DHX36: variants seen among roughly 807,000 people sequenced by gnomAD.
The protein encoded by DHX36 is ATP-dependent DNA/RNA helicase DHX36.
Under a neutral mutation model 139.0 loss-of-function variants are expected in DHX36, and 50 were observed. The observed-to-expected ratio is 0.36, with a 90% CI of 0.29 to 0.46. The LOEUF (loss-of-function observed/expected upper bound fraction) is 0.46, where lower values mean the gene tolerates loss of function less well. Among genes scored for constraint, DHX36 ranks in the 20% least tolerant of loss-of-function variants. DHX36 has a pLI of 1.00. For missense variants in DHX36, 1,024 were observed against 1,211.3 expected (o/e 0.85, Z 2.29); for synonymous variants, 425 against 401.9 (o/e 1.06, Z -0.69).
intron 1 of DHX36, among the ~76,000 whole-genome samples, chr3:154,323,043 T>G (rs949867276): frequency 5.3e-5 from 8 of 152,152 alleles, no homozygotes; most frequent in African/African-American, 1.9e-4. Context: ...GGTTTAAAAA[T>G]AGTAGTCTAG....
In DHX36 at chr3:154,273,527, A is replaced by C. The variant is rs1191043027; in HGVS notation, c.*2644T>G. ...ATAAAAGTAAGGGAAAAAAAAGCAC[A>C]AACAGAAACTCTTACAGAGCAAGAA... On this transcript the variant is annotated 3_prime_UTR_variant, in exon 25 of 25. Transcript: ENST00000496811. 1 of 152,238 alleles carries C rather than the reference A, an allele frequency of 6.6e-6. No individual in the cohort carries two copies. Among genetic ancestry groups the C allele is most frequent in the Non-Finnish European group, 1.5e-5 (1 of 68,036 alleles). 9.4% of individuals were successfully genotyped at this position (152,238 alleles called of 1,614,324 possible). A position where few individuals can be genotyped will look rare whatever the true frequency, so the allele number is the denominator to read the frequency against.
At chr3:154,323,540 C>T (rs1032819952) in intron 1 of DHX36, among the ~76,000 whole-genome samples, 17 of 152,168 alleles carry the variant, frequency 1.1e-4, no homozygotes, top group African/African-American at 3.9e-4. Context: ...ATCAACCTGA[C>T]AATCACCTGA....
intron 9 of DHX36, among the ~76,000 whole-genome samples, chr3:154,301,683 G>C (rs565342392): frequency 1.3e-5 from 2 of 152,268 alleles, no homozygotes; most frequent in South Asian, 4.1e-4. Context: ...GGCAGATCCA[G>C]AATCAGTATT....
intron 14 of DHX36, 28 bp from the exon 15 acceptor site, chr3:154,292,722 T>C: frequency 6.4e-7 from 1 of 1,571,636 alleles, no homozygotes; most frequent in South Asian, 1.1e-5. Flanking sequence ...ATATAAAATG[T>C]TAAAACACAC....
At chr3:154,322,295 A>G (rs1248578220) in intron 1 of DHX36, among the ~76,000 whole-genome samples, 1 of 152,226 alleles carries the variant, frequency 6.6e-6, no homozygotes, top group Non-Finnish European at 1.5e-5. Context: ...CTGAGACAGA[A>G]GTGACATGAC....
At chr3:154,311,763 G>T (rs1409653964) in intron 3 of DHX36, 89 bp from the exon 4 acceptor site, 3 of 986,254 alleles carry the variant, frequency 3.0e-6, no homozygotes, top group Non-Finnish European at 3.0e-6. Context: ...AGGGTAAATT[G>T]GCTAGAATCC....
In DHX36 at chr3:154,275,956, C is replaced by A; in HGVS notation, c.*215G>T. On this transcript the variant is annotated 3_prime_UTR_variant, in exon 25 of 25. Coordinates refer to ENST00000496811, the MANE Select transcript of DHX36 (RefSeq NM_020865.3). ...GCATGACCACAGCAGAGTATATGAT[C>A]AGAGAACATATTGCTTTTATGGTAT... 3.1e-6 allele frequency: 1 copy of A among 319,638 alleles called. No individual in the cohort carries two copies. The highest frequency in any genetic ancestry group is 1.4e-4 in the South Asian group (1 of 7,392). 19.8% of individuals were successfully genotyped at this position (319,638 alleles called of 1,614,324 possible). A position where few individuals can be genotyped will look rare whatever the true frequency, so the allele number is the denominator to read the frequency against.
intron 3 of DHX36, among the ~76,000 whole-genome samples, chr3:154,312,894 T>C (rs1272888215): frequency 1.6e-4 from 12 of 76,072 alleles, no homozygotes; most frequent in Non-Finnish European, 2.6e-4. Context: ...TATATATATA[T>C]ATATATAAAA....
Position 154,324,157 on chromosome 3 carries a change from A to G in DHX36, c.243+17T>C, listed in dbSNP as rs764761424. 1 of 1,604,196 alleles carries G rather than the reference A, an allele frequency of 6.2e-7. No homozygotes were observed. The highest frequency in any genetic ancestry group is 1.1e-5 in the South Asian group (1 of 89,638). On this transcript the variant is annotated intron_variant, in intron 1 of 24. Transcript: ENST00000496811. The stretch of plus-strand genomic sequence containing the variant: ...CCTGTGCTGCCTCATCCTCTCCACT[A>G]CTGAATCCGAGATTACCTCTTGCCT...
At chr3:154,284,162 CTATGA>C (rs1719426751) in intron 19 of DHX36, among the ~76,000 whole-genome samples, 1 of 152,002 alleles carries the variant, frequency 6.6e-6, no homozygotes, top group South Asian at 2.1e-4. Context: ...CTCCTGATAC[CTATGA>C]TAATATAGAT....
intron 1 of DHX36, among the ~76,000 whole-genome samples, chr3:154,320,078 T>C (rs1355319631): frequency 1.3e-5 from 2 of 152,204 alleles, no homozygotes; most frequent in Admixed American, 6.5e-5. Flanking sequence ...ATAAATCCAA[T>C]AGACATTCTC....
chr3:154,309,853 A>G, intron 4 of DHX36, 30 bp from the exon 5 acceptor site: 1 of 1,481,866 alleles, frequency 6.7e-7, no homozygotes, highest in Non-Finnish European at 9.2e-7. Context: ...AAAGAATATC[A>G]CATGTTGACT....
At chr3:154,293,689 C>A (rs532706593) in intron 14 of DHX36, 59 bp downstream of exon 14, 3 of 1,275,150 alleles carry the variant, frequency 2.4e-6, no homozygotes, top group Non-Finnish European at 2.3e-6. Flanking sequence ...TATATAAACA[C>A]GTTATGGTGT....
rs573908301 is a variant in DHX36 at position 154,320,389 on chromosome 3, A to C, written c.243+3785T>G. 2.0e-5 allele frequency among the ~76,000 whole-genome samples: 3 copies of C among 151,288 alleles called. No individual in the cohort carries two copies. The South Asian group carries it at 6.2e-4, about 31-fold the overall frequency. ...GTGTCCTACATTTTAACAAGATGTC[A>C]GGTGATTCCTATGCACATTCAAGTC... On this transcript the variant is annotated intron_variant, in intron 1 of 24. Coordinates refer to ENST00000496811, the MANE Select transcript of DHX36 (RefSeq NM_020865.3).
chr3:154,291,134 CAAAAAAAAAAA>C (rs71152798), intron 15 of DHX36, among the ~76,000 whole-genome samples: 24 of 61,056 alleles, frequency 3.9e-4, no homozygotes, highest in South Asian at 1.8e-3. Flanking sequence ...GACTCCGTCT[CAAAAAAAAAAA>C]AAAAAAAAAA....
At chr3:154,287,818 TGA>T (rs1250577289) in intron 17 of DHX36, among the ~76,000 whole-genome samples, 1 of 151,984 alleles carries the variant, frequency 6.6e-6, no homozygotes, top group South Asian at 2.1e-4. Flanking sequence ...TAGCAATTTA[TGA>T]GAGACTACAC....
In DHX36 at chr3:154,316,064, A is replaced by C; in HGVS notation, c.343T>G (p.Ser115Ala). 2 of 1,613,280 alleles carry C rather than the reference A, an allele frequency of 1.2e-6. No homozygotes were observed. The highest frequency in any genetic ancestry group is 1.7e-6 in the Non-Finnish European group (2 of 1,179,550). The change falls in exon 2 of 25, where the codon TCC becomes GCC. Residue 115 changes from serine (S) to alanine (A), a missense_variant. Ser to Ala is a moderately conservative substitution (Grantham distance 99). Coordinates refer to ENST00000496811, the MANE Select transcript of DHX36 (RefSeq NM_020865.3). ...CCATGATCCTCAGGAGCAAACCAGG[A>C]TATCTGTGCTTCTGACTCTTTATCA... is the stretch of plus-strand genomic sequence containing the variant. Reference protein sequence around the residue: ...KNDKESEAQISWFAPEDHGYG... With the variant: ...KNDKESEAQIAWFAPEDHGYG...
intron 1 of DHX36, among the ~76,000 whole-genome samples, chr3:154,323,099 C>T (rs1436649021): frequency 6.6e-6 from 1 of 152,174 alleles, no homozygotes; most frequent in Non-Finnish European, 1.5e-5. Flanking sequence ...CTTTGGGAGG[C>T]CGAGTTGGGT....
chr3:154,286,149 TAA>T lies in DHX36; in HGVS notation c.2032-1164_2032-1163del, dbSNP rs146054167. 1.1e-4 allele frequency among the ~76,000 whole-genome samples: 8 copies of T among 75,026 alleles called. No individual in the cohort carries two copies. The East Asian group carries it at 2.6e-3, about 24-fold the overall frequency. 49.2% of individuals were successfully genotyped at this position (75,026 alleles called of 152,430 possible). A position where few individuals can be genotyped will look rare whatever the true frequency, so the allele number is the denominator to read the frequency against. ...AAATGTCTTAGTAAACTTAACGTAA[TAA>T]GAGCTTCCACACACCAAAAAAAAAA... On this transcript the variant is annotated intron_variant, in intron 17 of 24. Coordinates refer to ENST00000496811, the MANE Select transcript of DHX36 (RefSeq NM_020865.3).
Sources: gnomAD v4.1 joint callset for allele counts (sites outside exome capture counted in the v4.1 genomes callset) on GRCh38, gnomAD v4.1.1 for gene constraint, MANE v1.5 for transcripts, NCBI Gene and HGNC (gene_info 2026-07-23, HGNC 2026-07-21) for gene names.